The following GIGYF2 variants were observed in gnomAD, a reference collection of about 807,000 sequenced individuals.
GIGYF2 encodes GRB10-interacting GYF protein 2.
In GIGYF2, 25 loss-of-function variants were observed where a neutral mutation model predicts 208.1. The observed-to-expected ratio is 0.12, with a 90% CI of 0.09 to 0.17. The LOEUF (loss-of-function observed/expected upper bound fraction) is 0.17, where lower values mean the gene tolerates loss of function less well. GIGYF2 is among the 10% of genes least tolerant of loss of function. The pLI is 1.00. For synonymous variants in GIGYF2, 534 were observed against 543.8 expected, an observed-to-expected ratio of 0.98 and a Z score of 0.25; for missense variants, 1,302 against 1,579.4, an observed-to-expected ratio of 0.82 and a Z score of 2.98.
rs767817897 is a variant in GIGYF2 at position 232,815,615 on chromosome 2, T to G, written c.2108-22T>G. On this transcript the variant is annotated intron_variant, in intron 18 of 28. Transcript: ENST00000373563. ...GTGTGTAAGCTCTGTCATTCCTCGT[T>G]GTTTCTTTTGTTGTCTTACAGTTTG... is the stretch of plus-strand genomic sequence containing the variant. 25 of 1,237,412 alleles carry G rather than the reference T, an allele frequency of 2.0e-5. No homozygotes were observed. In the South Asian group the frequency reaches 2.9e-4, roughly 14 times the overall value. The allele number at this position is 1,237,412 out of a possible 1,614,324, so 76.7% of individuals were successfully genotyped here.
intron 8 of GIGYF2, among the ~76,000 whole-genome samples, chr2:232,764,850 G>T (rs1353944904): frequency 6.6e-6 from 1 of 152,090 alleles, no homozygotes; most frequent in Non-Finnish European, 1.5e-5. Flanking sequence ...GTTGTTATTT[G>T]TGGTTTTCAT....
chr2:232,706,903 A>G (rs1401172578), intron 2 of GIGYF2, among the ~76,000 whole-genome samples: 1 of 148,516 alleles, frequency 6.7e-6, no homozygotes, highest in African/African-American at 2.5e-5. Flanking sequence ...CCGTGATTGC[A>G]CCACTGCATC....
At chr2:232,752,828 C>G (rs964987054) in intron 5 of GIGYF2, among the ~76,000 whole-genome samples, 2 of 152,162 alleles carry the variant, frequency 1.3e-5, no homozygotes, top group Non-Finnish European at 2.9e-5. Context: ...GCATGAGCCA[C>G]CGCGCCTGGC....
At chr2:232,698,030 A>G (rs1203897859) in intron 1 of GIGYF2, among the ~76,000 whole-genome samples, 1 of 152,188 alleles carries the variant, frequency 6.6e-6, no homozygotes, top group Admixed American at 6.5e-5. Flanking sequence ...ACTAGAGCCC[A>G]TGGCAGCCTT....
intron 8 of GIGYF2, chr2:232,766,007 A>G (rs1559413861): frequency 2.1e-6 from 1 of 471,158 alleles, no homozygotes; most frequent in Non-Finnish European, 4.4e-6. Flanking sequence ...CCAGAAAGGC[A>G]GAGCAGCCAT....
chr2:232,716,753 A>G (rs1360936155), intron 2 of GIGYF2, among the ~76,000 whole-genome samples: 1 of 151,916 alleles, frequency 6.6e-6, no homozygotes, highest in African/African-American at 2.4e-5. Context: ...TGAATTTAAT[A>G]TGTTATCGGA....
At chr2:232,752,610 G>A (rs879466979) in intron 5 of GIGYF2, among the ~76,000 whole-genome samples, 76 of 151,750 alleles carry the variant, frequency 5.0e-4, no homozygotes, top group Admixed American at 1.5e-3. Context: ...GCGCGATCTC[G>A]GCTCACTGCA....
intron 22 of GIGYF2, among the ~76,000 whole-genome samples, chr2:232,836,409 T>A (rs1476122213): frequency 3.8e-5 from 5 of 130,486 alleles, no homozygotes; most frequent in Admixed American, 8.4e-5. Flanking sequence ...AATATATATA[T>A]AAATAAATTA....
chr2:232,829,385 A>C (rs1559462268), intron 21 of GIGYF2, among the ~76,000 whole-genome samples: 1 of 152,038 alleles, frequency 6.6e-6, no homozygotes, highest in East Asian at 1.9e-4. Flanking sequence ...GTATCTACTG[A>C]TTTTTATAAT....
chr2:232,715,275 G>T lies in GIGYF2; in HGVS notation c.-44+11786G>T, dbSNP rs574981117. Among the ~76,000 whole-genome samples the T allele has an allele frequency of 2.6e-5, 4 of 152,178 alleles. No homozygotes were observed. The East Asian group carries it at 7.7e-4, about 29-fold the overall frequency. ...TCATAACATTATTTATGAACATTTG[G>T]ATTGTCCTCAGTTTTGGGCTATTAG... On this transcript the variant is annotated intron_variant, in intron 2 of 28. Transcript: ENST00000373563.
intron 14 of GIGYF2, among the ~76,000 whole-genome samples, chr2:232,800,004 C>G (rs1039367561): frequency 2.7e-5 from 4 of 146,646 alleles, no homozygotes; most frequent in African/African-American, 1.0e-4. Flanking sequence ...AGTTTTAGTT[C>G]TCTATATATT....
chr2:232,766,691 C>A (rs543305193), intron 8 of GIGYF2: 1 of 152,154 alleles, frequency 6.6e-6, no homozygotes, highest in Non-Finnish European at 1.5e-5. Context: ...AGTCTTAGAC[C>A]ACTCCAGAGT....
intron 8 of GIGYF2, among the ~76,000 whole-genome samples, chr2:232,779,020 G>C (rs1284551498): frequency 6.6e-6 from 1 of 152,150 alleles, no homozygotes; most frequent in Non-Finnish European, 1.5e-5. Context: ...AGTTCTCTCA[G>C]TTTGCAGTAA....
intron 25 of GIGYF2, 100 bp downstream of exon 25, chr2:232,844,674 T>G (rs1559166212): frequency 2.5e-6 from 2 of 785,666 alleles, no homozygotes; most frequent in Non-Finnish European, 2.2e-6. Context: ...AGTTATTGAG[T>G]TTTTGCTTAC....
At chr2:232,826,237 C>A (rs903212486) in intron 21 of GIGYF2, among the ~76,000 whole-genome samples, 1 of 152,158 alleles carries the variant, frequency 6.6e-6, no homozygotes, top group Non-Finnish European at 1.5e-5. Context: ...ATCGCTGGGT[C>A]AAATAGTATT....
chr2:232,856,911 C>T lies in GIGYF2; in HGVS notation c.*51C>T. 1 of 1,223,708 alleles carries T rather than the reference C, an allele frequency of 8.2e-7. No homozygotes were observed. Among genetic ancestry groups the T allele is most frequent in the Non-Finnish European group, 1.2e-6 (1 of 822,794 alleles). The allele number at this position is 1,223,708 out of a possible 1,614,324, so 75.8% of individuals were successfully genotyped here. A position where few individuals can be genotyped will look rare whatever the true frequency, so the allele number is the denominator to read the frequency against. ...CTCTCCTGTCTGCCGACTATGGAGT[C>T]TCCACCTTTGGACACAACACTTACT... On this transcript the variant is annotated 3_prime_UTR_variant, in exon 29 of 29. Transcript: ENST00000373563.
In GIGYF2 at chr2:232,858,294, C is replaced by T. The variant is rs2106440370; in HGVS notation, c.*1434C>T. ...AAGAAGGCTGGAGTTGCTCTGAGAG[C>T]AGTTTGGGTTTGGAGTATTATATTT... On this transcript the variant is annotated 3_prime_UTR_variant, in exon 29 of 29. Transcript: ENST00000373563. 2.8e-6 allele frequency: 1 copy of T among 356,554 alleles called. No individual in the cohort carries two copies. Among genetic ancestry groups the T allele is most frequent in the South Asian group, 2.2e-5 (1 of 44,976 alleles). 22.1% of individuals were successfully genotyped at this position (356,554 alleles called of 1,614,324 possible).
intron 3 of GIGYF2, among the ~76,000 whole-genome samples, chr2:232,739,369 C>CA (rs928065018): frequency 1.5e-5 from 2 of 136,162 alleles, no homozygotes; most frequent in Non-Finnish European, 3.2e-5. Context: ...AAACCCCCCC[C>CA]CCCCCGCAAA....
At chr2:232,729,604 T>C in intron 2 of GIGYF2, 1 of 1,281,730 alleles carries the variant, frequency 7.8e-7, no homozygotes, top group East Asian at 2.3e-5. Flanking sequence ...GCTTATCTGT[T>C]CCAACTTTAT....
Sources: gnomAD v4.1 joint callset for allele counts (sites outside exome capture counted in the v4.1 genomes callset) on GRCh38, gnomAD v4.1.1 for gene constraint, MANE v1.5 for transcripts, NCBI Gene and HGNC (gene_info 2026-07-23, HGNC 2026-07-21) for gene names.